SOX6: variants seen among roughly 807,000 people sequenced by gnomAD.
SOX6 encodes the protein SRY-box transcription factor 6.
A neutral mutation model predicts 97.8 loss-of-function variants in SOX6; 11 were observed. The ratio of observed to expected loss-of-function variants is 0.11; its 90% CI spans 0.07 to 0.19. SOX6 has a LOEUF of 0.19. SOX6 is among the 10% of genes least tolerant of loss of function. SOX6 has a pLI of 1.00. For missense variants in SOX6, 810 were observed against 1,039.5 expected (o/e 0.78, Z 3.04); for synonymous variants, 360 against 371.4 (o/e 0.97, Z 0.35).
At chr11:16,619,322 G>GT (rs1848511410) in intron 3 of SOX6, among the ~76,000 whole-genome samples, 1 of 150,206 alleles carries the variant, frequency 6.7e-6, no homozygotes, top group Non-Finnish European at 1.5e-5. Flanking sequence ...CATGCTCTGT[G>GT]CTTTTTTTTT....
At chr11:16,627,679 T>A (rs1848641986) in intron 3 of SOX6, among the ~76,000 whole-genome samples, 1 of 152,228 alleles carries the variant, frequency 6.6e-6, no homozygotes, top group South Asian at 2.1e-4. Flanking sequence ...TTAAGCTCCT[T>A]CTGGATTCTG....
At chr11:16,089,768 A>G (rs532402913) in intron 9 of SOX6, among the ~76,000 whole-genome samples, 80 of 152,158 alleles carry the variant, frequency 5.3e-4, no homozygotes, top group Middle Eastern at 6.8e-3. Flanking sequence ...AAATATCGTA[A>G]AAAATGTCTT....
At chr11:16,591,921 TAGAATC>T (rs1423186216) in intron 4 of SOX6, among the ~76,000 whole-genome samples, 1 of 152,142 alleles carries the variant, frequency 6.6e-6, no homozygotes, top group East Asian at 1.9e-4. Flanking sequence ...AAAATAAACT[TAGAATC>T]AGATCTTTAA....
Position 16,318,523 on chromosome 11 carries a change from C to T in SOX6, c.368G>A (p.Arg123His), listed in dbSNP as rs991354761. 1.2e-6 allele frequency: 2 copies of T among 1,613,644 alleles called. No homozygotes were observed. The highest frequency in any genetic ancestry group is 2.2e-5 in the East Asian group (1 of 44,852). Reference protein sequence around the residue: ...TSVTFGTPERRKGSLADVVDT... With the variant: ...TSVTFGTPERHKGSLADVVDT... ...CACCACATCGGCAAGACTCCCTTTG[C>T]GGCGCTCTGGGGTTCCAAAAGTAAC... The change falls in exon 3 of 16, where the codon CGC (arginine) becomes CAC (histidine). Residue 123 changes from arginine to histidine, a missense_variant. By Grantham distance (29) the Arg-to-His change is conservative (BLOSUM62 0). Transcript: ENST00000683767.
At chr11:16,473,410 C>A (rs114417178) in intron 1 of SOX6, among the ~76,000 whole-genome samples, 28 of 152,236 alleles carry the variant, frequency 1.8e-4, no homozygotes, top group African/African-American at 6.7e-4. Context: ...TACTTTATTG[C>A]TAAAAAATCA....
intron 1 of SOX6, among the ~76,000 whole-genome samples, chr11:16,422,449 T>C (rs966374642): frequency 5.3e-5 from 8 of 152,226 alleles, no homozygotes; most frequent in Non-Finnish European, 8.8e-5. Context: ...TGTCAGGTAC[T>C]ACTGAAGCAA....
chr11:16,149,046 C>T (rs1850389901), intron 6 of SOX6, among the ~76,000 whole-genome samples: 1 of 152,130 alleles, frequency 6.6e-6, no homozygotes, highest in Non-Finnish European at 1.5e-5. Flanking sequence ...AGTTTGTCAG[C>T]TCCCTCTCAA....
At chr11:16,631,137 T>C (rs2133995784) in intron 3 of SOX6, among the ~76,000 whole-genome samples, 1 of 152,208 alleles carries the variant, frequency 6.6e-6, no homozygotes, top group South Asian at 2.1e-4. Context: ...GTTGTTACTT[T>C]GTTGCTTTGT....
At chr11:16,360,267 C>A (rs7929530), upstream of SOX6, among the ~76,000 whole-genome samples, 22,330 of 152,056 alleles carry the variant, frequency 0.15, 1,749 homozygotes, top group Middle Eastern at 0.17. Context: ...TGGATGCACC[C>A]TTTCCACTAC....
At chr11:16,141,264 G>T (rs896348139) in intron 6 of SOX6, among the ~76,000 whole-genome samples, 2 of 152,138 alleles carry the variant, frequency 1.3e-5, no homozygotes, top group South Asian at 4.1e-4. Flanking sequence ...TCCAAGCGAA[G>T]AATGGAAGTG....
chr11:16,128,632 C>T (rs752318552), intron 6 of SOX6, among the ~76,000 whole-genome samples: 4 of 152,094 alleles, frequency 2.6e-5, no homozygotes, highest in African/African-American at 4.8e-5. Flanking sequence ...TCTGGTGACT[C>T]TAACCTGGAA....
At chr11:16,647,168 C>A (rs1342456922) in intron 3 of SOX6, among the ~76,000 whole-genome samples, 1 of 152,074 alleles carries the variant, frequency 6.6e-6, no homozygotes, top group East Asian at 1.9e-4. Context: ...TGAGGCTTTT[C>A]ACCCACTCTG....
chr11:16,510,289 C>A (rs1860858920), intron 4 of SOX6, among the ~76,000 whole-genome samples: 1 of 152,172 alleles, frequency 6.6e-6, no homozygotes, highest in East Asian at 1.9e-4. Context: ...TTTTTCAAAT[C>A]AAGAAAAGTT....
At chr11:16,652,125 T>C (rs1214743243) in intron 3 of SOX6, among the ~76,000 whole-genome samples, 1 of 152,056 alleles carries the variant, frequency 6.6e-6, no homozygotes, top group Non-Finnish European at 1.5e-5. Context: ...ACATAAACAA[T>C]GGAAACACAT....
At chr11:16,723,925 C>G (rs935200828) in intron 2 of SOX6, among the ~76,000 whole-genome samples, 1 of 152,176 alleles carries the variant, frequency 6.6e-6, no homozygotes, top group Non-Finnish European at 1.5e-5. Context: ...AGAAACTTGA[C>G]GCCCAAAGAA....
intron 6 of SOX6, among the ~76,000 whole-genome samples, chr11:16,122,520 A>T (rs1793211710): frequency 1.3e-5 from 2 of 152,024 alleles, no homozygotes; most frequent in Non-Finnish European, 2.9e-5. Flanking sequence ...TCTTTGTAAC[A>T]ACCAAATTCA....
intron 6 of SOX6, among the ~76,000 whole-genome samples, chr11:16,182,108 C>T (rs1030572547): frequency 3.3e-5 from 5 of 151,680 alleles, no homozygotes; most frequent in African/African-American, 1.2e-4. Context: ...GTAATACACA[C>T]TAAAAATATT....
At chr11:16,039,839 A>C (rs1330833880) in intron 12 of SOX6, among the ~76,000 whole-genome samples, 1 of 152,022 alleles carries the variant, frequency 6.6e-6, no homozygotes, top group East Asian at 1.9e-4. Flanking sequence ...AGTCCCACAT[A>C]AATCAAAACT....
chr11:16,414,648 A>G (rs1858890824), intron 1 of SOX6, among the ~76,000 whole-genome samples: 1 of 152,188 alleles, frequency 6.6e-6, no homozygotes, highest in South Asian at 2.1e-4. Flanking sequence ...ATAAATTGTG[A>G]CAAGAACAAA....
Sources: allele counts gnomAD v4.1 joint callset (sites outside exome capture counted in the v4.1 genomes callset), GRCh38; gene constraint gnomAD v4.1.1; transcripts MANE v1.5; gene names NCBI Gene and HGNC (gene_info 2026-07-23, HGNC 2026-07-21).